IPO9: variants seen among roughly 807,000 people sequenced by gnomAD.
IPO9 encodes the protein importin 9.
A neutral mutation model predicts 128.6 loss-of-function variants in IPO9; 28 were observed. That is an observed-to-expected ratio of 0.22 (90% CI 0.16 to 0.30). IPO9 has a LOEUF of 0.30. IPO9 is among the 10% of genes least tolerant of loss of function. The pLI is 1.00. For missense variants in IPO9, 935 were observed against 1,293.9 expected (o/e 0.72, Z 4.26); for synonymous variants, 455 against 475.8 (o/e 0.96, Z 0.57).
At chr1:201,862,886 T>G (rs1431681194) in intron 13 of IPO9, among the ~76,000 whole-genome samples, 1 of 151,678 alleles carries the variant, frequency 6.6e-6, no homozygotes, top group Non-Finnish European at 1.5e-5. Context: ...GGTGGTAAAG[T>G]CTTTTTAGTC....
intron 1 of IPO9, among the ~76,000 whole-genome samples, chr1:201,843,816 C>T (rs112297225): frequency 2.5e-4 from 34 of 134,104 alleles, no homozygotes; most frequent in African/African-American, 9.1e-4. Flanking sequence ...TGACAGAGTG[C>T]GATTCTGTCT....
rs1176690673 is a variant in IPO9 at position 201,854,648 on chromosome 1, T to C, written c.744T>C (p.Phe248=). 6.2e-7 allele frequency: 1 copy of C among 1,614,182 alleles called. No individual in the cohort carries two copies. The change falls in exon 7 of 24, where the codon TTT becomes TTC. Residue 248 remains phenylalanine (F), a synonymous_variant. Coordinates refer to ENST00000361565, the MANE Select transcript of IPO9 (RefSeq NM_018085.5). ...TGGTACAGCAGTTCACAGAGGCCTT[T>C]GTTCAGGCCCTCCAGATACCAGATG... is the stretch of plus-strand genomic sequence containing the variant. ...FPVVQQFTEA[F]VQALQIPDGP... is the part of the protein sequence containing the mutation.
In IPO9 at chr1:201,880,712, A is replaced by T. The variant is rs185766915; in HGVS notation, c.*4658A>T. 6.6e-6 allele frequency: 1 copy of T among 152,210 alleles called. No homozygotes were observed. The highest frequency in any genetic ancestry group is 1.9e-4 in the East Asian group (1 of 5,198). 9.4% of individuals were successfully genotyped at this position (152,210 alleles called of 1,614,324 possible). A position where few individuals can be genotyped will look rare whatever the true frequency, so the allele number is the denominator to read the frequency against. On this transcript the variant is annotated 3_prime_UTR_variant, in exon 24 of 24. Coordinates refer to ENST00000361565, the MANE Select transcript of IPO9 (RefSeq NM_018085.5). ...GCCCTTTCCCTCAAGGAGCTAGTCT[A>T]GTAGGGGGTCAGAAATACAGATGGG...
At chr1:201,841,736 T>C (rs1332155042) in intron 1 of IPO9, among the ~76,000 whole-genome samples, 1 of 152,086 alleles carries the variant, frequency 6.6e-6, no homozygotes, top group Non-Finnish European at 1.5e-5. Context: ...TGGGGATGTA[T>C]AGAAGTACAC....
Position 201,875,984 on chromosome 1 carries a change from C to G in IPO9, c.3056C>G (p.Pro1019Arg), listed in dbSNP as rs1448066514. ...TTCCTCTGCCAGTTTGCTCAGCAGC[C>G]CTGCTACATAATGTTTTCAGGCCAC... Reference protein sequence around the residue: ...TDFLCQFAQQPCYIMFSGHLN... With the variant: ...TDFLCQFAQQRCYIMFSGHLN... Residue 1019 changes from proline (P) to arginine (R), a missense_variant, in exon 24 of 24, where the codon CCC (proline) becomes CGC (arginine). Transcript: ENST00000361565. The G allele has an allele frequency of 3.1e-6, 5 of 1,613,850 alleles. No homozygotes were observed. The highest frequency in any genetic ancestry group is 4.2e-6 in the Non-Finnish European group (5 of 1,179,818).
At chr1:201,831,883 C>T (rs2494114) in intron 1 of IPO9, among the ~76,000 whole-genome samples, 2 of 142,896 alleles carry the variant, frequency 1.4e-5, no homozygotes, top group African/African-American at 5.1e-5. Context: ...GTGTTTTTTG[C>T]TTTTGTTGTT....
rs535835613 is a variant in IPO9, at chr1:201,869,817, C to T, written c.2133+99C>T. 2.8e-5 allele frequency: 39 copies of T among 1,392,398 alleles called. 1 individual carries two copies. The Middle Eastern group carries it at 5.6e-4, about 20-fold the overall frequency. The allele number at this position is 1,392,398 out of a possible 1,614,324, so 86.3% of individuals were successfully genotyped here. A position where few individuals can be genotyped will look rare whatever the true frequency, so the allele number is the denominator to read the frequency against. Reference sequence around the variant, plus strand: ...GACATGGTTTTATGCTTTTGAAATACGGAATTCTCAACTCCATATTTACTT... The same window carrying T: ...GACATGGTTTTATGCTTTTGAAATATGGAATTCTCAACTCCATATTTACTT... On this transcript the variant is annotated intron_variant, in intron 17 of 23. Transcript: ENST00000361565.
chr1:201,865,064 T>C (rs1376874514), intron 14 of IPO9, among the ~76,000 whole-genome samples: 1 of 152,200 alleles, frequency 6.6e-6, no homozygotes, highest in Admixed American at 6.5e-5. Context: ...TGGATCCCGA[T>C]TAAGAACTGT....
chr1:201,846,949 G>A (rs534852957), intron 1 of IPO9, among the ~76,000 whole-genome samples: 2 of 152,282 alleles, frequency 1.3e-5, no homozygotes, highest in East Asian at 1.9e-4. Context: ...GATTACAGGC[G>A]TGAGCCACCA....
chr1:201,875,319 G>GCCACCATGCC, intron 23 of IPO9, 91 bp downstream of exon 23: 11 of 1,146,896 alleles, frequency 9.6e-6, no homozygotes, highest in Non-Finnish European at 1.5e-5. Context: ...GCCAGGCATG[G>GCCACCATGCC]TGGCTCATGC....
At position 201,846,341 on chromosome 1, in the gene IPO9, G is replaced by T. The variant is rs544169897; in HGVS notation, c.164-938G>T. ...ACCTTTTAAGTTGTCCTCAGGAATAGATGGTCCCATGATATTTTGTTTTTG... is the reference window on the plus strand; with the variant it reads ...ACCTTTTAAGTTGTCCTCAGGAATATATGGTCCCATGATATTTTGTTTTTG... On this transcript the variant is annotated intron_variant, in intron 1 of 23. Transcript: ENST00000361565. 2.6e-5 allele frequency among the ~76,000 whole-genome samples: 4 copies of T among 152,270 alleles called. No individual in the cohort carries two copies. The South Asian group carries it at 8.3e-4, about 32-fold the overall frequency.
chr1:201,858,596 C>A, intron 12 of IPO9, 43 bp downstream of exon 12: 2 of 1,164,384 alleles, frequency 1.7e-6, no homozygotes, highest in South Asian at 1.7e-5. Flanking sequence ...TTTGTTTACC[C>A]CTTCTTAAAA....
chr1:201,866,493 CAA>C (rs1384379151), intron 14 of IPO9, among the ~76,000 whole-genome samples: 1 of 146,222 alleles, frequency 6.8e-6, no homozygotes, highest in Non-Finnish European at 1.5e-5. Context: ...AAAAAAACCT[CAA>C]GAAAAAAAGC....
At chr1:201,833,951 A>T (rs1203266309) in intron 1 of IPO9, among the ~76,000 whole-genome samples, 2 of 151,786 alleles carry the variant, frequency 1.3e-5, no homozygotes, top group Admixed American at 6.6e-5. Flanking sequence ...TACTTGGCTG[A>T]TTTTTTTAGT....
chr1:201,851,748 G>A (rs991017726), intron 4 of IPO9, among the ~76,000 whole-genome samples: 3 of 152,198 alleles, frequency 2.0e-5, no homozygotes, highest in Admixed American at 6.5e-5. Flanking sequence ...ACCTCGAAGT[G>A]TAACTGAATG....
chr1:201,854,832 G>A lies in IPO9; in HGVS notation c.820G>A (p.Ala274Thr). The A allele has an allele frequency of 6.2e-7, 1 of 1,608,124 alleles. No individual in the cohort carries two copies. Among genetic ancestry groups the A allele is most frequent in the Non-Finnish European group, 8.5e-7 (1 of 1,178,054 alleles). ...TCTCTTAACTTCTTAGGCAGTGACA[G>A]CCCTAGTGAAAAACTTCCCAAAGCA... Reference protein sequence around the residue: ...FKMEVLKAVTALVKNFPKHMV... With the variant: ...FKMEVLKAVTTLVKNFPKHMV... The change falls in exon 8 of 24, where the codon GCC becomes ACC. Residue 274 changes from alanine to threonine, a missense_variant. Physicochemically the swap from Ala to Thr is moderately conservative, Grantham distance 58. This residue lies in a region of IPO9 where 741 missense variants were observed against 1,019.1 expected (regional missense o/e 0.73). Transcript: ENST00000361565.
chr1:201,840,561 A>G (rs769021289), intron 1 of IPO9, among the ~76,000 whole-genome samples: 3 of 152,230 alleles, frequency 2.0e-5, no homozygotes, highest in Non-Finnish European at 2.9e-5. Flanking sequence ...GACATCTTCA[A>G]CATTTCAAAA....
intron 14 of IPO9, among the ~76,000 whole-genome samples, chr1:201,865,202 T>TC (rs1224293096): frequency 2.6e-5 from 2 of 75,488 alleles, no homozygotes; most frequent in African/African-American, 7.1e-5. Flanking sequence ...TATTTTTCTT[T>TC]TTTTTTTTTT....
At chr1:201,871,370 ATATTTCTTTTT>A in intron 19 of IPO9, 43 bp downstream of exon 19, 1 of 543,514 alleles carries the variant, frequency 1.8e-6, no homozygotes, top group South Asian at 3.1e-5. Flanking sequence ...GCCACCACTC[ATATTTCTTTTT>A]TTTTTTTTTT....
Sources: allele counts gnomAD v4.1 joint callset (sites outside exome capture counted in the v4.1 genomes callset), GRCh38; gene constraint gnomAD v4.1.1; regional missense constraint gnomAD v4.1.1; transcripts MANE v1.5; gene names NCBI Gene and HGNC (gene_info 2026-07-23, HGNC 2026-07-21).